Variants in SLC38A8 observed in about 807,000 individuals in gnomAD.
SLC38A8 encodes amino acid transporter SLC38A8.
A neutral mutation model predicts 46.0 loss-of-function variants in SLC38A8; 65 were observed. That is an observed-to-expected ratio of 1.41 (90% CI 1.16 to 1.74). The LOEUF (loss-of-function observed/expected upper bound fraction) is 1.74, where lower values mean the gene tolerates loss of function less well. Among genes scored for constraint, SLC38A8 ranks in the 40% most tolerant of loss-of-function variants. The probability of loss-of-function intolerance (pLI) is 0.00; values close to 1 mark genes in which losing one functional copy is unlikely to be tolerated. For missense variants in SLC38A8, 998 were observed against 567.9 expected, an observed-to-expected ratio of 1.76 and a Z score of -7.70; for synonymous variants, 447 against 243.7, an observed-to-expected ratio of 1.83 and a Z score of -7.77.
intron 6 of SLC38A8, among the ~76,000 whole-genome samples, chr16:84,028,671 G>A (rs1212134874): frequency 6.6e-6 from 1 of 151,480 alleles, no homozygotes; most frequent in African/African-American, 2.4e-5. Flanking sequence ...ACTGAGCCCA[G>A]GCCCGCCACC....
chr16:84,035,686 AGGATG>A (rs1010801965), intron 3 of SLC38A8, among the ~76,000 whole-genome samples: 124 of 152,362 alleles, frequency 8.1e-4, no homozygotes, highest in African/African-American at 2.9e-3. Context: ...ACTAGTCTTA[AGGATG>A]CTAGAGTGCC....
chr16:84,019,131 G>A (rs896526552), intron 7 of SLC38A8, among the ~76,000 whole-genome samples: 3 of 151,750 alleles, frequency 2.0e-5, no homozygotes, highest in African/African-American at 7.3e-5. Flanking sequence ...CTGGATTGCA[G>A]TGGCACAATC....
At chr16:84,013,119 G>C in intron 9 of SLC38A8, 67 bp from the exon 10 acceptor site, 2 of 1,594,796 alleles carry the variant, frequency 1.3e-6, no homozygotes, top group Non-Finnish European at 1.7e-6. Context: ...AAGGTCCCGG[G>C]AGAGGTCCTC....
intron 5 of SLC38A8, 121 bp downstream of exon 5, chr16:84,031,746 G>C (rs745382687): frequency 2.5e-6 from 2 of 812,386 alleles, no homozygotes; most frequent in Admixed American, 2.3e-5. Flanking sequence ...GAAAGAACTG[G>C]AAGGAAGGAG....
intron 9 of SLC38A8, among the ~76,000 whole-genome samples, chr16:84,014,994 C>A (rs1322059422): frequency 6.6e-6 from 1 of 152,164 alleles, no homozygotes; most frequent in Admixed American, 6.5e-5. Context: ...TCTACCTGTG[C>A]TTTCTGTTAA....
chr16:84,012,593 G>A (rs981884729), intron 10 of SLC38A8, among the ~76,000 whole-genome samples: 6 of 152,324 alleles, frequency 3.9e-5, no homozygotes, highest in African/African-American at 1.4e-4. Flanking sequence ...CCTAGCAGAG[G>A]AGCCTGGGAA....
chr16:84,013,102 C>T (rs2084973838), intron 9 of SLC38A8, 50 bp from the exon 10 acceptor site: 2 of 1,610,322 alleles, frequency 1.2e-6, no homozygotes, highest in East Asian at 2.2e-5. Flanking sequence ...AAACCCAAAG[C>T]AACAAAAAGG....
intron 3 of SLC38A8, among the ~76,000 whole-genome samples, chr16:84,034,701 G>A (rs2085282116): frequency 6.6e-6 from 1 of 152,210 alleles, no homozygotes; most frequent in South Asian, 2.1e-4. Context: ...TCCAAAAGCA[G>A]GTGGTCACAG....
chr16:84,028,752 C>CA (rs1384040990), intron 6 of SLC38A8, among the ~76,000 whole-genome samples: 3 of 150,934 alleles, frequency 2.0e-5, no homozygotes, highest in Non-Finnish European at 4.4e-5. Context: ...GGTCTCTCTC[C>CA]AGCTGTGCCT....
intron 3 of SLC38A8, among the ~76,000 whole-genome samples, chr16:84,035,324 C>T (rs2085289092): frequency 6.6e-6 from 1 of 152,182 alleles, no homozygotes; most frequent in Admixed American, 6.5e-5. Context: ...GTCGTGTTTA[C>T]CAAGACACAG....
intron 4 of SLC38A8, 151 bp from the exon 5 acceptor site, chr16:84,032,119 AG>A: frequency 1.5e-6 from 1 of 647,608 alleles, no homozygotes. Flanking sequence ...TCATCTGTAC[AG>A]GGGGCATGTG....
At chr16:84,026,633 C>T (rs12324982) in intron 6 of SLC38A8, among the ~76,000 whole-genome samples, 101 of 152,286 alleles carry the variant, frequency 6.6e-4, no homozygotes, top group African/African-American at 2.2e-3. Context: ...GACAGGAAGA[C>T]GACACAGTGG....
intron 9 of SLC38A8, among the ~76,000 whole-genome samples, chr16:84,014,750 G>A (rs1054741923): frequency 2.0e-5 from 3 of 152,162 alleles, no homozygotes; most frequent in African/African-American, 4.8e-5. Context: ...GATTCTCAAG[G>A]GACTACATCA....
chr16:84,032,712 T>A (rs977795191), intron 4 of SLC38A8, among the ~76,000 whole-genome samples: 1 of 152,178 alleles, frequency 6.6e-6, no homozygotes, highest in Non-Finnish European at 1.5e-5. Context: ...TGCCTGCTGT[T>A]TCTATACAAT....
chr16:84,013,433 T>TGTTG (rs1555551874), intron 9 of SLC38A8, among the ~76,000 whole-genome samples: 1 of 128,468 alleles, frequency 7.8e-6, no homozygotes, highest in Non-Finnish European at 1.6e-5. Flanking sequence ...TGTTTTTTTT[T>TGTTG]TTTTTTTTTT....
Position 84,041,961 on chromosome 16 carries a change from G to A in SLC38A8, c.189+8C>T, listed in dbSNP as rs1362185498. ...CCCGTCCCCAGGACTCACTTCCCGGGGACTTACCAGCTCCACCAGGAAGGC... is the reference window on the plus strand; with the variant it reads ...CCCGTCCCCAGGACTCACTTCCCGGAGACTTACCAGCTCCACCAGGAAGGC... On this transcript the variant is annotated splice_region_variant and intron_variant, in intron 2 of 10. Coordinates refer to ENST00000299709, the MANE Select transcript of SLC38A8 (RefSeq NM_001080442.3). 2 of 1,578,880 alleles carry A rather than the reference G, an allele frequency of 1.3e-6. No homozygotes were observed. The highest frequency in any genetic ancestry group is 1.8e-5 in the Admixed American group (1 of 55,456).
At chr16:84,037,962 C>T (rs890612036) in intron 2 of SLC38A8, among the ~76,000 whole-genome samples, 6 of 152,118 alleles carry the variant, frequency 3.9e-5, no homozygotes, top group Non-Finnish European at 7.4e-5. Context: ...GCACACACCA[C>T]CACACCCAGC....
Position 84,009,799 on chromosome 16 carries a change from G to A in SLC38A8, c.1293C>T (p.Val431=), listed in dbSNP as rs201257386. ...FIFGQSTAAA[V]WEMF ...TAGCTGCCCATCAGAACATCTCCCA[G>A]ACCGCTGCCGCCGTGCTCTGCCCAA... is the stretch of plus-strand genomic sequence containing the variant. Residue 431 remains valine, a synonymous_variant, in exon 11 of 11, where the codon GTC becomes GTT. Transcript: ENST00000299709. 1.4e-5 allele frequency: 23 copies of A among 1,613,908 alleles called. No individual in the cohort carries two copies. The East Asian group carries it at 4.7e-4, about 33-fold the overall frequency.
At chr16:84,017,668 C>T (rs1298980547) in intron 7 of SLC38A8, among the ~76,000 whole-genome samples, 1 of 152,210 alleles carries the variant, frequency 6.6e-6, no homozygotes. Context: ...CACACATTTC[C>T]AAATGGGGAA....
Sources: allele counts gnomAD v4.1 joint callset (sites outside exome capture counted in the v4.1 genomes callset), GRCh38; gene constraint gnomAD v4.1.1; transcripts MANE v1.5; gene names NCBI Gene and HGNC (gene_info 2026-07-23, HGNC 2026-07-21).